The following SLC9B1 variants were observed in gnomAD, a reference collection of about 807,000 sequenced individuals.
SLC9B1 encodes solute carrier family 9 member B1.
SLC9B1 carries 32 observed loss-of-function variants against 51.7 expected under a neutral mutation model. The observed-to-expected ratio is 0.62, with a 90% CI of 0.47 to 0.83. SLC9B1 has a LOEUF of 0.83. SLC9B1 is among the 40% of genes least tolerant of loss of function. The pLI, the probability that SLC9B1 is intolerant of heterozygous loss-of-function variation, is 0.00. For synonymous variants in SLC9B1, 145 were observed against 212.7 expected, an observed-to-expected ratio of 0.68 and a Z score of 2.77; for missense variants, 406 against 613.2, an observed-to-expected ratio of 0.66 and a Z score of 3.57.
At chr4:102,996,681 C>T (rs1437874137) in intron 1 of SLC9B1, among the ~76,000 whole-genome samples, 1 of 152,110 alleles carries the variant, frequency 6.6e-6, no homozygotes, top group Non-Finnish European at 1.5e-5. Flanking sequence ...ATTGCAATGC[C>T]ACTTTTTTTT....
intron 6 of SLC9B1, among the ~76,000 whole-genome samples, chr4:102,934,669 G>A (rs1736627711): frequency 6.6e-6 from 1 of 151,720 alleles, no homozygotes; most frequent in African/African-American, 2.4e-5. Context: ...GGAAGGTTGA[G>A]GCAGGAGAAT....
At chr4:102,898,483 T>C (rs1398809572), downstream of SLC9B1, among the ~76,000 whole-genome samples, 1 of 152,246 alleles carries the variant, frequency 6.6e-6, no homozygotes, top group Admixed American at 6.5e-5. Flanking sequence ...GCTGCAATGC[T>C]TTTCAGACTC....
At position 102,968,963 on chromosome 4, in the gene SLC9B1, T is replaced by C. The variant is rs559183915; in HGVS notation, c.212-19536A>G. 2.6e-5 allele frequency among the ~76,000 whole-genome samples: 4 copies of C among 152,112 alleles called. No individual in the cohort carries two copies. In the East Asian group the frequency reaches 7.7e-4, roughly 29 times the overall value. On this transcript the variant is annotated intron_variant, in intron 3 of 11. Coordinates refer to ENST00000296422, the MANE Select transcript of SLC9B1 (RefSeq NM_139173.4). ...AGCAGTCCGAGATGGAATTGCAAGG[T>C]GGTAGCCTGGGCTGGGGGAGGGGCG...
At chr4:102,986,386 C>T (rs1339831667) in intron 3 of SLC9B1, among the ~76,000 whole-genome samples, 1 of 151,656 alleles carries the variant, frequency 6.6e-6, no homozygotes, top group Non-Finnish European at 1.5e-5. Flanking sequence ...CCTCTGTCTT[C>T]TTTCAAGATT....
chr4:102,989,956 G>T lies in SLC9B1; in HGVS notation c.70-15C>A. 6.4e-7 allele frequency: 1 copy of T among 1,558,250 alleles called. No individual in the cohort carries two copies. The highest frequency in any genetic ancestry group is 1.7e-4 in the Middle Eastern group (1 of 5,910). ...TCAATGAGACTCTGTAGTAAAACAA[G>T]AAAATCTTTAAGGAACCATACTTTC... On this transcript the variant is annotated splice_polypyrimidine_tract_variant and intron_variant, in intron 2 of 11. Coordinates refer to ENST00000296422, the MANE Select transcript of SLC9B1 (RefSeq NM_139173.4).
chr4:102,955,521 G>C (rs1473680480), intron 3 of SLC9B1, among the ~76,000 whole-genome samples: 1 of 152,150 alleles, frequency 6.6e-6, no homozygotes, highest in Non-Finnish European at 1.5e-5. Context: ...GCTGGGGGCA[G>C]GGGTGGATTT....
intron 3 of SLC9B1, among the ~76,000 whole-genome samples, chr4:102,983,314 T>G (rs1387607805): frequency 6.6e-6 from 1 of 152,198 alleles, no homozygotes; most frequent in Non-Finnish European, 1.5e-5. Flanking sequence ...TTAAGAATTT[T>G]TGCATCTATG....
chr4:103,001,966 G>A (rs1205586642), intron 1 of SLC9B1, among the ~76,000 whole-genome samples: 2 of 152,200 alleles, frequency 1.3e-5, no homozygotes, highest in Non-Finnish European at 2.9e-5. Context: ...GGAGGAGCAC[G>A]GACCTTCTTC....
chr4:102,995,235 T>C (rs1013459423), intron 1 of SLC9B1, among the ~76,000 whole-genome samples: 1 of 152,186 alleles, frequency 6.6e-6, no homozygotes, highest in Non-Finnish European at 1.5e-5. Context: ...TAGGCTTCTG[T>C]TCTCATGGAT....
At chr4:102,992,968 C>A (rs1425514255) in intron 1 of SLC9B1, among the ~76,000 whole-genome samples, 1 of 152,176 alleles carries the variant, frequency 6.6e-6, no homozygotes, top group Non-Finnish European at 1.5e-5. Flanking sequence ...ACCATTAGAT[C>A]TTCTGAGACT....
At chr4:102,981,599 T>C (rs1167607605) in intron 3 of SLC9B1, among the ~76,000 whole-genome samples, 1 of 152,182 alleles carries the variant, frequency 6.6e-6, no homozygotes, top group Admixed American at 6.5e-5. Flanking sequence ...AATTACCTAA[T>C]GACCTATCAT....
At chr4:102,994,595 C>G (rs1740121016) in intron 1 of SLC9B1, among the ~76,000 whole-genome samples, 1 of 152,138 alleles carries the variant, frequency 6.6e-6, no homozygotes, top group African/African-American at 2.4e-5. Flanking sequence ...TCTGTGGTGC[C>G]AGTTTACATT....
rs1734995922 is a variant in SLC9B1 at position 102,905,408 on chromosome 4, A to G, written c.1332+106T>C. On this transcript the variant is annotated intron_variant, in intron 11 of 11. Transcript: ENST00000296422. ...GTTATGATCAATCAAACATTTAAAA[A>G]GTAAGGATAATAGCTCATATTTTGT... 4 of 1,138,820 alleles carry G rather than the reference A, an allele frequency of 3.5e-6. 1 individual carries two copies. The South Asian group carries it at 5.7e-5, about 16-fold the overall frequency. The allele number at this position is 1,138,820 out of a possible 1,614,324, so 70.5% of individuals were successfully genotyped here.
chr4:102,983,974 T>TA (rs765203749), intron 3 of SLC9B1, among the ~76,000 whole-genome samples: 6 of 152,132 alleles, frequency 3.9e-5, no homozygotes, highest in Non-Finnish European at 8.8e-5. Flanking sequence ...AAGCTTAATT[T>TA]ATTCATTTTA....
rs1414786444 is a variant in SLC9B1, at chr4:102,907,163, TA to T, written c.1087-520del. On this transcript the variant is annotated intron_variant, in intron 9 of 11. Coordinates refer to ENST00000296422, the MANE Select transcript of SLC9B1 (RefSeq NM_139173.4). ...AAAATAAACTCACAAAGCAATAAAA[TA>T]ATACTATTTGGCCATTTTGTCACAG... Among the ~76,000 whole-genome samples, 3 of 152,208 alleles carry T rather than the reference TA, an allele frequency of 2.0e-5. No homozygotes were observed. In the East Asian group the frequency reaches 5.8e-4, roughly 29 times the overall value.
At chr4:102,913,796 TAAAAAAA>T (rs61244946) in intron 7 of SLC9B1, among the ~76,000 whole-genome samples, 1 of 71,452 alleles carries the variant, frequency 1.4e-5, no homozygotes. Flanking sequence ...AGATAGAAAC[TAAAAAAA>T]AAAAAAAAAA....
chr4:102,984,375 C>G (rs1465767978), intron 3 of SLC9B1, among the ~76,000 whole-genome samples: 1 of 152,158 alleles, frequency 6.6e-6, no homozygotes. Flanking sequence ...CTCGGCCTAG[C>G]AGAGTACTGG....
At chr4:102,891,133 G>A (rs549716095) in intron 11 of SLC9B1, 5 of 151,300 alleles carry the variant, frequency 3.3e-5, no homozygotes, top group African/African-American at 7.4e-5. Flanking sequence ...AACTAATATC[G>A]ACTAATAGTA....
chr4:102,965,978 T>C (rs184135765), intron 3 of SLC9B1, among the ~76,000 whole-genome samples: 1 of 152,314 alleles, frequency 6.6e-6, no homozygotes, highest in East Asian at 1.9e-4. Flanking sequence ...ACGTGCTACC[T>C]CCTGGGCACA....
Sources: allele counts gnomAD v4.1 joint callset (sites outside exome capture counted in the v4.1 genomes callset), GRCh38; gene constraint gnomAD v4.1.1; transcripts MANE v1.5; gene names NCBI Gene and HGNC (gene_info 2026-07-23, HGNC 2026-07-21).